F13A1: variants seen among roughly 807,000 people sequenced by gnomAD.
F13A1 encodes the protein coagulation factor XIII A chain.
In F13A1, 47 loss-of-function variants were observed where a neutral mutation model predicts 80.1. That is an observed-to-expected ratio of 0.59 (90% CI 0.46 to 0.75). The LOEUF is 0.75. F13A1 is among the 30% of genes least tolerant of loss of function. The probability of loss-of-function intolerance (pLI) is 0.00; values close to 1 mark genes in which losing one functional copy is unlikely to be tolerated. For synonymous variants in F13A1, 349 were observed against 344.9 expected, an observed-to-expected ratio of 1.01 and a Z score of -0.13; for missense variants, 817 against 930.4, an observed-to-expected ratio of 0.88 and a Z score of 1.59.
At chr6:6,256,998 A>G (rs1360778054) in intron 4 of F13A1, among the ~76,000 whole-genome samples, 1 of 152,184 alleles carries the variant, frequency 6.6e-6, no homozygotes, top group Non-Finnish European at 1.5e-5. Flanking sequence ...AGAAGGAATA[A>G]TGGTTTGGCC....
intron 13 of F13A1, among the ~76,000 whole-genome samples, chr6:6,158,109 C>T (rs903081533): frequency 6.6e-6 from 1 of 152,024 alleles, no homozygotes; most frequent in African/African-American, 2.4e-5. Flanking sequence ...CTGAAGGTGT[C>T]CCCTCCTAGG....
At chr6:6,212,273 G>T (rs2113036289) in intron 8 of F13A1, among the ~76,000 whole-genome samples, 1 of 152,330 alleles carries the variant, frequency 6.6e-6, no homozygotes, top group Admixed American at 6.5e-5. Context: ...AGACTTAAAT[G>T]TCCCTGTCTG....
At chr6:6,215,135 A>G (rs1262141980) in intron 8 of F13A1, among the ~76,000 whole-genome samples, 3 of 128,380 alleles carry the variant, frequency 2.3e-5, no homozygotes, top group Admixed American at 7.9e-5. Context: ...TTCTGAAACT[A>G]TTCCAATCAA....
At chr6:6,212,802 A>T (rs1761642874) in intron 8 of F13A1, among the ~76,000 whole-genome samples, 1 of 152,152 alleles carries the variant, frequency 6.6e-6, no homozygotes, top group African/African-American at 2.4e-5. Flanking sequence ...AAGAATGTAT[A>T]ACTAGAATAA....
chr6:6,170,523 C>T (rs813691), intron 12 of F13A1, among the ~76,000 whole-genome samples: 4,281 of 152,268 alleles, frequency 0.028, 77 homozygotes, highest in Non-Finnish European at 0.042. Context: ...GCTCTATGAG[C>T]GGTAGGGCTG....
intron 3 of F13A1, among the ~76,000 whole-genome samples, chr6:6,301,549 T>G (rs1450134426): frequency 6.6e-6 from 1 of 152,214 alleles, no homozygotes; most frequent in Non-Finnish European, 1.5e-5. Flanking sequence ...AGAATACATG[T>G]TGGTTTAAAA....
intron 2 of F13A1, among the ~76,000 whole-genome samples, chr6:6,313,278 G>T (rs1758631814): frequency 9.4e-6 from 1 of 106,238 alleles, no homozygotes; most frequent in African/African-American, 4.1e-5. Flanking sequence ...TTGCTAAGCC[G>T]CCTTTTTTTT....
intron 3 of F13A1, among the ~76,000 whole-genome samples, chr6:6,293,681 G>A (rs1758265356): frequency 6.6e-6 from 1 of 151,178 alleles, no homozygotes; most frequent in Admixed American, 6.6e-5. Context: ...CCATCCAAGA[G>A]CCCTATTTAT....
chr6:6,216,880 C>A (rs998925996), intron 8 of F13A1, among the ~76,000 whole-genome samples: 5 of 149,714 alleles, frequency 3.3e-5, no homozygotes, highest in African/African-American at 1.3e-4. Flanking sequence ...CATGAACAGG[C>A]ACTTCTCAAA....
chr6:6,177,489 C>A (rs1483813467), intron 11 of F13A1, among the ~76,000 whole-genome samples: 3 of 152,202 alleles, frequency 2.0e-5, no homozygotes, highest in African/African-American at 7.2e-5. Context: ...GCCCTGAAAC[C>A]CAGCCTGGCA....
chr6:6,225,867 T>C (rs1271465280), intron 6 of F13A1, among the ~76,000 whole-genome samples: 1 of 152,202 alleles, frequency 6.6e-6, no homozygotes, highest in Admixed American at 6.5e-5. Flanking sequence ...TTTAAACAGA[T>C]TAAAGTTTTA....
At chr6:6,221,907 T>A in intron 8 of F13A1, 126 bp downstream of exon 8, 1 of 1,090,684 alleles carries the variant, frequency 9.2e-7, no homozygotes, top group South Asian at 1.4e-5. Flanking sequence ...CAATCAGAGT[T>A]TTCTGCCTGT....
chr6:6,311,212 A>T (rs957940360), intron 2 of F13A1, among the ~76,000 whole-genome samples: 3 of 152,204 alleles, frequency 2.0e-5, no homozygotes, highest in African/African-American at 4.8e-5. Context: ...TTTCACCTGA[A>T]CACCTTTTAC....
intron 4 of F13A1, among the ~76,000 whole-genome samples, 163 bp from the exon 5 acceptor site, chr6:6,251,092 A>G (rs1446016145): frequency 1.3e-5 from 2 of 152,360 alleles, no homozygotes; most frequent in East Asian, 3.9e-4. Flanking sequence ...CAATATTTTT[A>G]GTAATGGTGA....
chr6:6,298,838 T>C (rs201369944), intron 3 of F13A1, among the ~76,000 whole-genome samples: 1 of 149,428 alleles, frequency 6.7e-6, no homozygotes. Flanking sequence ...AGTTTCTTCC[T>C]AGTCTTGATG....
At chr6:6,166,474 G>GT (rs1401994469) in intron 13 of F13A1, among the ~76,000 whole-genome samples, 2 of 152,206 alleles carry the variant, frequency 1.3e-5, no homozygotes, top group Non-Finnish European at 2.9e-5. Context: ...TTAGAGCAAT[G>GT]TAGTTTAGCA....
intron 3 of F13A1, among the ~76,000 whole-genome samples, chr6:6,272,400 A>G (rs1233367461): frequency 6.6e-6 from 1 of 152,126 alleles, no homozygotes; most frequent in African/African-American, 2.4e-5. Flanking sequence ...CTTGCCATCA[A>G]GGAGGGTTGG....
At chr6:6,265,103 G>A (rs1351055578) in intron 4 of F13A1, among the ~76,000 whole-genome samples, 1 of 152,142 alleles carries the variant, frequency 6.6e-6, no homozygotes, top group Non-Finnish European at 1.5e-5. Flanking sequence ...TCTACAAAAA[G>A]TAAATAAATA....
chr6:6,285,702 G>A (rs755956855), intron 3 of F13A1, among the ~76,000 whole-genome samples: 1 of 152,198 alleles, frequency 6.6e-6, no homozygotes, highest in Non-Finnish European at 1.5e-5. Context: ...CACACACCAG[G>A]AATGGCAGGC....
Sources: allele counts gnomAD v4.1 joint callset (sites outside exome capture counted in the v4.1 genomes callset), GRCh38; gene constraint gnomAD v4.1.1; transcripts MANE v1.5; gene names NCBI Gene and HGNC (gene_info 2026-07-23, HGNC 2026-07-21).